The following OPHN1 variants were observed in gnomAD, a reference collection of about 807,000 sequenced individuals.
OPHN1 encodes the protein oligophrenin-1.
In OPHN1, 11 loss-of-function variants were observed where a neutral mutation model predicts 60.7. The observed-to-expected ratio is 0.18, with a 90% confidence interval of 0.11 to 0.30. OPHN1 has a LOEUF of 0.30. Among genes scored for constraint, OPHN1 ranks in the 10% least tolerant of loss-of-function variants. The pLI is 1.00. For synonymous variants in OPHN1, 226 were observed against 222.6 expected (o/e 1.02, Z -0.14); for missense variants, 449 against 611.0 (o/e 0.73, Z 2.80).
At chrX:68,253,706 G>A (rs139806741) in intron 5 of OPHN1, among the ~76,000 whole-genome samples, 23 of 112,227 alleles carry the variant, frequency 2.0e-4, no homozygotes, top group African/African-American at 7.1e-4. Flanking sequence ...TGCCAAATAT[G>A]TTCTTAAAGT....
intron 2 of OPHN1, among the ~76,000 whole-genome samples, chrX:68,308,521 G>A (rs1296195176): frequency 9.1e-6 from 1 of 109,309 alleles, no homozygotes; most frequent in Non-Finnish European, 1.9e-5. Flanking sequence ...GAGCTCAGGA[G>A]TCAGAGGTTG....
At chrX:68,219,491 C>A (rs1401264298) in intron 6 of OPHN1, among the ~76,000 whole-genome samples, 1 of 108,589 alleles carries the variant, frequency 9.2e-6, no homozygotes, top group African/African-American at 3.4e-5. Context: ...TTCTCAGCAC[C>A]ACACCACACC....
At chrX:68,225,658 G>C (rs1460514890) in intron 6 of OPHN1, among the ~76,000 whole-genome samples, 1 of 112,323 alleles carries the variant, frequency 8.9e-6, no homozygotes, top group East Asian at 2.8e-4. Flanking sequence ...GCAGCTGATG[G>C]TCCTGACTGT....
intron 2 of OPHN1, among the ~76,000 whole-genome samples, chrX:68,331,096 A>C (rs1439031649): frequency 1.9e-5 from 2 of 105,125 alleles, no homozygotes; most frequent in Non-Finnish European, 3.9e-5. Flanking sequence ...AATGTACATA[A>C]AATTATATAT....
chrX:68,163,479 C>A (rs2077344921), intron 15 of OPHN1, among the ~76,000 whole-genome samples: 1 of 106,405 alleles, frequency 9.4e-6, no homozygotes, highest in Non-Finnish European at 1.9e-5. Context: ...ACAATTTATC[C>A]ATTCATTTGT....
At chrX:68,185,552 C>G (rs978096112) in intron 15 of OPHN1, among the ~76,000 whole-genome samples, 23 of 110,855 alleles carry the variant, frequency 2.1e-4, no homozygotes, top group African/African-American at 7.6e-4. Context: ...CCTTGTCTGG[C>G]TACTTGTATC....
rs763591586 is a variant in OPHN1 at position 68,379,755 on chromosome X, C to T, written c.154+53112G>A. Among the ~76,000 whole-genome samples, 10 of 109,041 alleles carry T rather than the reference C, an allele frequency of 9.2e-5. No individual in the cohort carries two copies. The South Asian group carries it at 1.2e-3, about 13-fold the overall frequency. 94.7% of individuals were successfully genotyped at this position (109,041 alleles called of 115,157 possible). A position where few individuals can be genotyped will look rare whatever the true frequency, so the allele number is the denominator to read the frequency against. On this transcript the variant is annotated intron_variant, in intron 2 of 24. Coordinates refer to ENST00000355520, the MANE Select transcript of OPHN1 (RefSeq NM_002547.3). ...ATTCATTGATTTGCGTATATTGAAC[C>T]AGCCTTGCATCCCAGGGATGAAGCC...
intron 19 of OPHN1, among the ~76,000 whole-genome samples, chrX:68,081,107 C>T (rs758766945): frequency 9.0e-6 from 1 of 111,549 alleles, no homozygotes; most frequent in East Asian, 2.8e-4. Context: ...GAGTAGGGCA[C>T]GAGGCAAGAT....
chrX:68,391,041 C>T (rs1198784142), intron 2 of OPHN1, among the ~76,000 whole-genome samples: 1 of 111,306 alleles, frequency 9.0e-6, no homozygotes, highest in Non-Finnish European at 1.9e-5. Context: ...ACTTTTGCCA[C>T]CACATCATCT....
intron 14 of OPHN1, among the ~76,000 whole-genome samples, 196 bp downstream of exon 14, chrX:68,193,694 A>T (rs745641723): frequency 1.1e-3 from 118 of 112,294 alleles, no homozygotes; most frequent in African/African-American, 3.5e-3. Context: ...TAAGCTCTTT[A>T]AAAGCAGGAA....
At chrX:68,139,228 C>T (rs1299092504) in intron 15 of OPHN1, among the ~76,000 whole-genome samples, 1 of 111,306 alleles carries the variant, frequency 9.0e-6, no homozygotes, top group South Asian at 3.8e-4. Flanking sequence ...ATTCAAACAA[C>T]CAAACTGTAA....
chrX:68,163,674 A>C (rs994565749), intron 15 of OPHN1, among the ~76,000 whole-genome samples: 4 of 111,207 alleles, frequency 3.6e-5, no homozygotes, highest in Admixed American at 2.9e-4. Flanking sequence ...TATTTTCCAC[A>C]GTGGCTGTAC....
At chrX:68,127,403 G>T (rs1324846227) in intron 15 of OPHN1, among the ~76,000 whole-genome samples, 1 of 111,164 alleles carries the variant, frequency 9.0e-6, no homozygotes, top group Non-Finnish European at 1.9e-5. Flanking sequence ...TTTTAAAAAA[G>T]AATACTTCTT....
intron 2 of OPHN1, among the ~76,000 whole-genome samples, chrX:68,384,141 G>T (rs2147746638): frequency 8.9e-6 from 1 of 111,990 alleles, no homozygotes; most frequent in Non-Finnish European, 1.9e-5. Flanking sequence ...CCTCTAAATT[G>T]TTAAGTAATT....
chrX:68,167,100 C>G (rs775041687), intron 15 of OPHN1, among the ~76,000 whole-genome samples: 108 of 111,795 alleles, frequency 9.7e-4, no homozygotes, highest in Non-Finnish European at 1.4e-3. Flanking sequence ...AGACAACCTA[C>G]AGAATGGGAG....
chrX:68,314,985 C>CAA (rs767435080), intron 2 of OPHN1, among the ~76,000 whole-genome samples: 11 of 53,861 alleles, frequency 2.0e-4, no homozygotes, highest in Non-Finnish European at 1.8e-4. Flanking sequence ...GACTCCATCT[C>CAA]AAAAAAAAAA....
intron 18 of OPHN1, among the ~76,000 whole-genome samples, chrX:68,108,522 T>C (rs1168278096): frequency 8.9e-6 from 1 of 111,895 alleles, no homozygotes; most frequent in African/African-American, 3.2e-5. Context: ...ATCTCTTTTG[T>C]ACACTATAAA....
chrX:68,339,676 C>T (rs1276354864), intron 2 of OPHN1, among the ~76,000 whole-genome samples: 1 of 111,871 alleles, frequency 8.9e-6, no homozygotes, highest in Non-Finnish European at 1.9e-5. Flanking sequence ...AATCTCAGCT[C>T]GCTGCACCCT....
chrX:68,416,069 G>T (rs28455586), intron 2 of OPHN1, among the ~76,000 whole-genome samples: 45 of 4,645 alleles, frequency 9.7e-3, no homozygotes, highest in Non-Finnish European at 0.037. Flanking sequence ...TATATATATA[G>T]AGAGAGAGAG....
Sources: gnomAD v4.1 joint callset for allele counts (sites outside exome capture counted in the v4.1 genomes callset) on GRCh38, gnomAD v4.1.1 for gene constraint, MANE v1.5 for transcripts, NCBI Gene and HGNC (gene_info 2026-07-23, HGNC 2026-07-21) for gene names.